Variants in RNF175 observed in about 807,000 individuals in gnomAD.
RNF175 encodes ring finger protein 175.
A neutral mutation model predicts 50.0 loss-of-function variants in RNF175; 38 were observed. The ratio of observed to expected loss-of-function variants is 0.76; its 90% CI spans 0.59 to 1.00. The LOEUF (loss-of-function observed/expected upper bound fraction) is 1.00. Ranked by LOEUF, RNF175 falls within the 50% of genes least tolerant of loss-of-function variation. The pLI is 0.00. For missense variants in RNF175, 388 were observed against 409.6 expected (o/e 0.95, Z 0.46); for synonymous variants, 155 against 146.1 (o/e 1.06, Z -0.44).
chr4:153,727,421 G>A (rs1220673780), intron 4 of RNF175, among the ~76,000 whole-genome samples: 1 of 152,052 alleles, frequency 6.6e-6, no homozygotes, highest in Non-Finnish European at 1.5e-5. Flanking sequence ...CTCCTAACTT[G>A]AAGGAAAAGT....
At chr4:153,719,826 C>G (rs975363134) in intron 6 of RNF175, among the ~76,000 whole-genome samples, 53 of 152,266 alleles carry the variant, frequency 3.5e-4, no homozygotes, top group Admixed American at 2.1e-3. Flanking sequence ...GGGTTTCAGA[C>G]AGAGCTGAAA....
intron 1 of RNF175, among the ~76,000 whole-genome samples, chr4:153,755,740 A>G (rs895294311): frequency 3.9e-5 from 6 of 151,998 alleles, no homozygotes; most frequent in Non-Finnish European, 7.4e-5. Context: ...ATTACACAAG[A>G]AAATTTCCAA....
At chr4:153,734,590 T>A (rs1192121540) in intron 3 of RNF175, among the ~76,000 whole-genome samples, 1 of 152,066 alleles carries the variant, frequency 6.6e-6, no homozygotes, top group Admixed American at 6.6e-5. Context: ...GTTTTAAGTA[T>A]ATTTTGGATA....
At chr4:153,748,921 G>C (rs1186238210) in intron 2 of RNF175, 135 bp from the exon 3 acceptor site, 2 of 757,194 alleles carry the variant, frequency 2.6e-6, no homozygotes, top group African/African-American at 1.8e-5. Context: ...TCAAATATAA[G>C]GGTTGGTAAG....
chr4:153,717,019 C>T (rs1011455003), intron 6 of RNF175, among the ~76,000 whole-genome samples: 4 of 152,142 alleles, frequency 2.6e-5, no homozygotes, highest in African/African-American at 9.7e-5. Flanking sequence ...ATCACAACCT[C>T]GTTAAGGGAG....
chr4:153,748,878 A>C, intron 2 of RNF175, 92 bp from the exon 3 acceptor site: 8 of 1,279,312 alleles, frequency 6.3e-6, no homozygotes, highest in Non-Finnish European at 8.5e-6. Flanking sequence ...AAAACAAAAA[A>C]CAGGTTTGGC....
chr4:153,739,077 A>G (rs67664355), intron 3 of RNF175, among the ~76,000 whole-genome samples: 44,252 of 152,122 alleles, frequency 0.29, 7,250 homozygotes, highest in East Asian at 0.81. Context: ...TAATCACCCA[A>G]TACACTGTTC....
At chr4:153,733,168 T>C (rs1470146634) in intron 3 of RNF175, among the ~76,000 whole-genome samples, 4 of 152,144 alleles carry the variant, frequency 2.6e-5, no homozygotes, top group Non-Finnish European at 1.5e-5. Context: ...TGTTAAAAAG[T>C]TGTATCTGAA....
intron 3 of RNF175, among the ~76,000 whole-genome samples, chr4:153,728,806 T>C (rs1316016432): frequency 1.3e-5 from 2 of 152,260 alleles, no homozygotes; most frequent in African/African-American, 4.8e-5. Flanking sequence ...CCCAGGGGCT[T>C]TGTTACTGTC....
In RNF175 at chr4:153,728,358, C is replaced by T. The variant is rs767412294; in HGVS notation, c.250G>A (p.Val84Met). Reference sequence around the variant, plus strand: ...ACAACCCACATCTGCAACAAGGTCACCAGCTGTCAGAGAAATGAACAGGAA... The same window carrying T: ...ACAACCCACATCTGCAACAAGGTCATCAGCTGTCAGAGAAATGAACAGGAA... ...RQRHGRSYNLVTLLQMWVVPL... is the reference protein window; with the variant it reads ...RQRHGRSYNLMTLLQMWVVPL... Residue 84 changes from valine (V) to methionine (M), a missense_variant, in exon 4 of 9, where the codon GTG becomes ATG. Coordinates refer to ENST00000347063, the MANE Select transcript of RNF175 (RefSeq NM_173662.4). 1 of 1,613,250 alleles carries T rather than the reference C, an allele frequency of 6.2e-7. No homozygotes were observed. The highest frequency in any genetic ancestry group is 8.5e-7 in the Non-Finnish European group (1 of 1,179,444).
chr4:153,716,477 T>C (rs1396717974), intron 6 of RNF175, among the ~76,000 whole-genome samples: 2 of 152,232 alleles, frequency 1.3e-5, no homozygotes, highest in African/African-American at 2.4e-5. Flanking sequence ...GAACTTTACT[T>C]TGGGATATCT....
intron 3 of RNF175, chr4:153,729,588 A>G: frequency 1.3e-6 from 1 of 797,450 alleles, no homozygotes; most frequent in Non-Finnish European, 1.5e-6. Flanking sequence ...AAGCTCTTGG[A>G]CAGGACTTCA....
At chr4:153,720,393 A>G (rs1738262896) in intron 5 of RNF175, 89 bp from the exon 6 acceptor site, 1 of 1,054,062 alleles carries the variant, frequency 9.5e-7, no homozygotes, top group South Asian at 1.5e-5. Flanking sequence ...GATGGTATCT[A>G]AGAGAACCTT....
chr4:153,748,575 T>G, intron 3 of RNF175, 70 bp downstream of exon 3: 1 of 1,396,452 alleles, frequency 7.2e-7, no homozygotes, highest in Non-Finnish European at 9.6e-7. Context: ...AGGGAGAACA[T>G]GTCCTGGAAA....
chr4:153,745,829 A>G (rs1013004351), intron 3 of RNF175: 1 of 152,198 alleles, frequency 6.6e-6, no homozygotes, highest in Non-Finnish European at 1.5e-5. Context: ...GCATTAGTCC[A>G]TTCATGAAGG....
rs1391977493 is a variant in RNF175, at chr4:153,751,765, C to T, written c.67-290G>A. 2.0e-5 allele frequency among the ~76,000 whole-genome samples: 3 copies of T among 152,202 alleles called. No individual in the cohort carries two copies. In the South Asian group the frequency reaches 6.2e-4, roughly 31 times the overall value. On this transcript the variant is annotated intron_variant, in intron 1 of 8. Transcript: ENST00000347063. Reference sequence around the variant, plus strand: ...TGTTTTGGCAAATCAGTCAAAGTTACAGAGAGTGGTCTCCCAATAGGCCAT... The same window carrying T: ...TGTTTTGGCAAATCAGTCAAAGTTATAGAGAGTGGTCTCCCAATAGGCCAT...
intron 2 of RNF175, 46 bp from the exon 3 acceptor site, chr4:153,748,832 C>G: frequency 6.7e-7 from 1 of 1,493,592 alleles, no homozygotes. Context: ...CTCAACCTTG[C>G]GCATTTAGCA....
intron 3 of RNF175, among the ~76,000 whole-genome samples, chr4:153,744,288 G>T (rs1239612572): frequency 6.6e-6 from 1 of 152,144 alleles, no homozygotes; most frequent in East Asian, 1.9e-4. Flanking sequence ...CGGGTGTGGT[G>T]GTGGGCGCCT....
intron 1 of RNF175, among the ~76,000 whole-genome samples, chr4:153,755,143 G>A (rs1049806717): frequency 3.3e-5 from 5 of 152,258 alleles, no homozygotes; most frequent in Non-Finnish European, 7.3e-5. Context: ...CGTGGCACGA[G>A]GGCCTCCATT....
Sources: gnomAD v4.1 joint callset for allele counts (sites outside exome capture counted in the v4.1 genomes callset) on GRCh38, gnomAD v4.1.1 for gene constraint, MANE v1.5 for transcripts, NCBI Gene and HGNC (gene_info 2026-07-23, HGNC 2026-07-21) for gene names.